Variants in TCF7L1 observed in about 807,000 individuals in gnomAD.
TCF7L1 encodes the protein transcription factor 7-like 1.
TCF7L1 carries 18 observed loss-of-function variants against 63.7 expected under a neutral mutation model. The ratio of observed to expected loss-of-function variants is 0.28; its 90% CI spans 0.20 to 0.42. The LOEUF (loss-of-function observed/expected upper bound fraction) is 0.42, where lower values mean the gene tolerates loss of function less well. TCF7L1 is among the 10% of genes least tolerant of loss of function. The pLI, the probability that TCF7L1 is intolerant of heterozygous loss-of-function variation, is 1.00. For missense variants in TCF7L1, 654 were observed against 779.3 expected (o/e 0.84, Z 1.91); for synonymous variants, 355 against 340.9 (o/e 1.04, Z -0.46).
intron 3 of TCF7L1, among the ~76,000 whole-genome samples, chr2:85,225,639 CTT>C (rs2104305832): frequency 6.6e-6 from 1 of 152,290 alleles, no homozygotes; most frequent in South Asian, 2.1e-4. Context: ...TATCCTGAGA[CTT>C]TGCTGAAGTT....
intron 3 of TCF7L1, among the ~76,000 whole-genome samples, chr2:85,272,321 G>C (rs1300313116): frequency 3.9e-5 from 6 of 152,140 alleles, no homozygotes; most frequent in African/African-American, 1.4e-4. Context: ...CTGTTGCTAT[G>C]ATATAAGACA....
At chr2:85,266,740 G>C (rs1464035076) in intron 3 of TCF7L1, among the ~76,000 whole-genome samples, 1 of 152,234 alleles carries the variant, frequency 6.6e-6, no homozygotes, top group Non-Finnish European at 1.5e-5. Context: ...GTATTCTTTT[G>C]TTGTGTTTTA....
At chr2:85,144,741 G>T (rs1677833116) in intron 3 of TCF7L1, among the ~76,000 whole-genome samples, 3 of 149,076 alleles carry the variant, frequency 2.0e-5, no homozygotes, top group Non-Finnish European at 4.4e-5. Flanking sequence ...GTGTGTGTGT[G>T]TGTGTGTGTA....
intron 3 of TCF7L1, among the ~76,000 whole-genome samples, chr2:85,235,632 C>T (rs1680173007): frequency 6.6e-6 from 1 of 152,088 alleles, no homozygotes; most frequent in Admixed American, 6.6e-5. Context: ...TGTGTTATAC[C>T]TGTGACGCTC....
At chr2:85,293,184 G>A (rs767272529) in intron 4 of TCF7L1, among the ~76,000 whole-genome samples, 41 of 152,182 alleles carry the variant, frequency 2.7e-4, no homozygotes, top group Non-Finnish European at 4.9e-4. Flanking sequence ...ATATGGTGTG[G>A]ATCTGTATCC....
At chr2:85,195,351 G>A (rs892376494) in intron 3 of TCF7L1, among the ~76,000 whole-genome samples, 9 of 152,204 alleles carry the variant, frequency 5.9e-5, no homozygotes, top group Non-Finnish European at 1.2e-4. Flanking sequence ...TTGGGAGGCT[G>A]AGGCAAGAGG....
intron 3 of TCF7L1, among the ~76,000 whole-genome samples, chr2:85,213,959 G>A (rs1440397220): frequency 6.6e-6 from 1 of 152,184 alleles, no homozygotes; most frequent in Non-Finnish European, 1.5e-5. Flanking sequence ...CATGGATGGG[G>A]GGCTTCCTCC....
At chr2:85,211,413 A>C (rs1025317870) in intron 3 of TCF7L1, among the ~76,000 whole-genome samples, 1 of 152,156 alleles carries the variant, frequency 6.6e-6, no homozygotes, top group Non-Finnish European at 1.5e-5. Flanking sequence ...AGTATTACCA[A>C]CCTCAACAGG....
At chr2:85,253,562 G>C (rs1680641295) in intron 3 of TCF7L1, among the ~76,000 whole-genome samples, 2 of 152,184 alleles carry the variant, frequency 1.3e-5, no homozygotes, top group Admixed American at 6.5e-5. Flanking sequence ...TATAGGAACT[G>C]TCTGTTTCCT....
At chr2:85,283,102 A>C (rs574650198) in intron 3 of TCF7L1, among the ~76,000 whole-genome samples, 1 of 152,042 alleles carries the variant, frequency 6.6e-6, no homozygotes. Flanking sequence ...CAGGATGGCC[A>C]TCTGGGAGCC....
chr2:85,142,679 T>G (rs1345507908), intron 3 of TCF7L1, among the ~76,000 whole-genome samples: 4 of 152,168 alleles, frequency 2.6e-5, no homozygotes, highest in Admixed American at 2.0e-4. Flanking sequence ...TGTTTTATAT[T>G]ATTTCTCCCA....
intron 3 of TCF7L1, among the ~76,000 whole-genome samples, chr2:85,183,635 A>C (rs1040636333): frequency 6.6e-6 from 1 of 152,176 alleles, no homozygotes; most frequent in Non-Finnish European, 1.5e-5. Flanking sequence ...TTTGGGGAAA[A>C]TCATCGGGCG....
intron 4 of TCF7L1, among the ~76,000 whole-genome samples, chr2:85,284,023 T>G (rs1244583440): frequency 6.6e-6 from 1 of 152,158 alleles, no homozygotes; most frequent in Non-Finnish European, 1.5e-5. Flanking sequence ...TTTTTGTTTG[T>G]TTTTTGAGAC....
At chr2:85,135,931 AGGGGG>A (rs56107490) in intron 3 of TCF7L1, among the ~76,000 whole-genome samples, 1 of 143,684 alleles carries the variant, frequency 7.0e-6, no homozygotes, top group Admixed American at 6.9e-5. Context: ...TGCCAATCAA[AGGGGG>A]GGGGGGATCA....
At chr2:85,192,540 C>T (rs997260284) in intron 3 of TCF7L1, among the ~76,000 whole-genome samples, 17 of 152,172 alleles carry the variant, frequency 1.1e-4, no homozygotes, top group African/African-American at 3.4e-4. Flanking sequence ...GGCATGTATG[C>T]CCAACTGATT....
chr2:85,180,455 A>G (rs750048368), intron 3 of TCF7L1, among the ~76,000 whole-genome samples: 7 of 151,972 alleles, frequency 4.6e-5, no homozygotes, highest in Non-Finnish European at 1.0e-4. Flanking sequence ...TCGCAGCCTC[A>G]TGACGGCTAC....
In TCF7L1 at chr2:85,306,281, G is replaced by A. The variant is rs1274175293; in HGVS notation, c.1065G>A (p.Leu355=). 1 of 1,614,076 alleles carries A rather than the reference G, an allele frequency of 6.2e-7. No homozygotes were observed. The highest frequency in any genetic ancestry group is 8.5e-7 in the Non-Finnish European group (1 of 1,180,028). The change falls in exon 9 of 12, where the codon TTG becomes TTA. Residue 355 remains leucine (L), a synonymous_variant. Coordinates refer to ENST00000282111, the MANE Select transcript of TCF7L1 (RefSeq NM_031283.3). The surrounding 1 kb of genome is among the most constrained non-coding windows in gnomAD (Gnocchi z 4.3). Reference sequence around the variant, plus strand: ...AGAAGCCTCTGAATGCCTTCATGTTGTATATGAAGGAGATGAGGGCCAAGG... The same window carrying A: ...AGAAGCCTCTGAATGCCTTCATGTTATATATGAAGGAGATGAGGGCCAAGG... ...HVKKPLNAFM[L]YMKEMRAKVV... is the part of the protein sequence containing the mutation.
chr2:85,191,630 GC>G, intron 3 of TCF7L1, among the ~76,000 whole-genome samples: 2 of 152,224 alleles, frequency 1.3e-5, no homozygotes, highest in Non-Finnish European at 2.9e-5. Context: ...TTCGAGACCA[GC>G]CTGATCAACG....
chr2:85,207,125 CTT>C (rs1679425477), intron 3 of TCF7L1, among the ~76,000 whole-genome samples: 1 of 152,216 alleles, frequency 6.6e-6, no homozygotes, highest in South Asian at 2.1e-4. Context: ...TTTTAGTACT[CTT>C]TTATAATCAG....
Sources: allele counts gnomAD v4.1 joint callset (sites outside exome capture counted in the v4.1 genomes callset), GRCh38; gene constraint gnomAD v4.1.1; non-coding constraint Gnocchi (gnomAD v3.1); transcripts MANE v1.5; gene names NCBI Gene and HGNC (gene_info 2026-07-23, HGNC 2026-07-21).